MYH15: variants seen among roughly 807,000 people sequenced by gnomAD.
MYH15 encodes myosin-15.
Under a neutral mutation model 240.5 loss-of-function variants are expected in MYH15, and 227 were observed. The observed-to-expected ratio is 0.94, with a 90% CI of 0.85 to 1.05. The LOEUF (loss-of-function observed/expected upper bound fraction) is 1.05, where lower values mean the gene tolerates loss of function less well. MYH15 is among the 50% of genes least tolerant of loss of function. MYH15 has a pLI of 0.00. For synonymous variants in MYH15, 785 were observed against 796.7 expected, an observed-to-expected ratio of 0.99 and a Z score of 0.25; for missense variants, 2,217 against 2,247.5, an observed-to-expected ratio of 0.99 and a Z score of 0.27.
intron 1 of MYH15, among the ~76,000 whole-genome samples, chr3:108,520,759 C>A (rs2083611832): frequency 1.3e-5 from 2 of 152,104 alleles, no homozygotes; most frequent in South Asian, 4.1e-4. Flanking sequence ...TGATTTGGAG[C>A]AATTAAGTTA....
intron 14 of MYH15, among the ~76,000 whole-genome samples, chr3:108,466,570 C>A (rs1302556118): frequency 6.6e-6 from 1 of 152,134 alleles, no homozygotes; most frequent in Non-Finnish European, 1.5e-5. Flanking sequence ...TAGCCAAACA[C>A]CTTCCTTATG....
intron 2 of MYH15, among the ~76,000 whole-genome samples, chr3:108,505,189 T>C (rs2083465859): frequency 6.6e-6 from 1 of 152,214 alleles, no homozygotes; most frequent in Admixed American, 6.5e-5. Flanking sequence ...TTCTAGTCAA[T>C]AATCCTTGCC....
At chr3:108,400,528 G>C (rs1016534357) in intron 33 of MYH15, among the ~76,000 whole-genome samples, 1 of 152,162 alleles carries the variant, frequency 6.6e-6, no homozygotes, top group Admixed American at 6.5e-5. Flanking sequence ...CTGTGAGGTC[G>C]ATTAAGAAGG....
intron 21 of MYH15, among the ~76,000 whole-genome samples, chr3:108,449,695 C>A (rs942529778): frequency 6.6e-6 from 1 of 151,684 alleles, no homozygotes; most frequent in Non-Finnish European, 1.5e-5. Context: ...AATGTGACCC[C>A]AAAATCAAAG....
intron 24 of MYH15, among the ~76,000 whole-genome samples, chr3:108,438,905 A>G (rs369170973): frequency 6.6e-6 from 1 of 152,152 alleles, no homozygotes; most frequent in South Asian, 2.1e-4. Context: ...TGATGTGCAT[A>G]TATAAGCACA....
At chr3:108,497,662 A>G (rs2083402017) in intron 6 of MYH15, among the ~76,000 whole-genome samples, 1 of 152,148 alleles carries the variant, frequency 6.6e-6, no homozygotes, top group African/African-American at 2.4e-5. Context: ...GAAAAATTTT[A>G]TTGGTGCATA....
the MYH15 span, chr3:108,543,466 A>C: frequency 6.6e-6 from 1 of 152,336 alleles, no homozygotes; most frequent in African/African-American, 2.4e-5. Flanking sequence ...TGAGTTCAGC[A>C]GAGCTGTCTT....
intron 12 of MYH15, among the ~76,000 whole-genome samples, chr3:108,473,606 A>G (rs2083195336): frequency 6.6e-6 from 1 of 152,220 alleles, no homozygotes; most frequent in African/African-American, 2.4e-5. Context: ...CCTACTTCAT[A>G]GGCTTGTTAT....
At chr3:108,548,381 A>T in the MYH15 span, among the ~76,000 whole-genome samples, 1 of 152,154 alleles carries the variant, frequency 6.6e-6, no homozygotes, top group African/African-American at 2.4e-5. Context: ...ATTACCAAAC[A>T]TAAAAAGACA....
rs1220872855 is a variant in MYH15, at chr3:108,430,847, C to T, written c.3297G>A (p.Thr1099=). Residue 1099 remains threonine (T), a synonymous_variant, in exon 26 of 41, where the codon ACG becomes ACA. Transcript: ENST00000693548. ...AATTGATTACCTGAAGCTCTTTAAC[C>T]GTCTTCTGAAGCTGAGCTACCAGGC... ...EKGLVAQLQK[T]VKELQTQIKD... 15 of 1,611,370 alleles carry T rather than the reference C, an allele frequency of 9.3e-6. No individual in the cohort carries two copies. The East Asian group carries it at 1.1e-4, about 12-fold the overall frequency.
At position 108,500,226 on chromosome 3, in the gene MYH15, G is replaced by C. The variant is rs1319548603; in HGVS notation, c.388C>G (p.Pro130Ala). Residue 130 changes from proline to alanine, a missense_variant, in exon 4 of 41, where the codon CCC becomes GCC. Physicochemically the swap from Pro to Ala is conservative, Grantham distance 27 (BLOSUM62 -1). Transcript: ENST00000693548. ...CVTINPYKWLPVYQKEVMAAY... is the reference protein window; with the variant it reads ...CVTINPYKWLAVYQKEVMAAY... The stretch of plus-strand genomic sequence containing the variant: ...GCCATGACTTCTTTCTGATACACGG[G>C]AAGCCATTTGTAAGGGTTTATGGTC... The C allele has an allele frequency of 5.0e-6, 8 of 1,614,050 alleles. No homozygotes were observed. Among genetic ancestry groups the C allele is most frequent in the Non-Finnish European group, 6.8e-6 (8 of 1,179,942 alleles).
Position 108,444,776 on chromosome 3 carries a change from T to A in MYH15, c.2519A>T (p.Glu840Val), listed in dbSNP as rs150652144. 3.1e-6 allele frequency: 5 copies of A among 1,613,992 alleles called. 1 individual carries two copies. Among genetic ancestry groups the A allele is most frequent in the South Asian group, 2.2e-5 (2 of 91,044 alleles). Reference protein sequence around the residue: ...PLVKSSEVGEEVAGLKEECAQ... With the variant: ...PLVKSSEVGEVVAGLKEECAQ... ...ACACTCTTCCTTCAGTCCAGCTACTTCTTCTCCTACTTCTGAAGATTTAAC... is the reference window on the plus strand; with the variant it reads ...ACACTCTTCCTTCAGTCCAGCTACTACTTCTCCTACTTCTGAAGATTTAAC... The change falls in exon 22 of 41, where the codon GAA (glutamate) becomes GTA (valine). Residue 840 changes from glutamate to valine, a missense_variant. Coordinates refer to ENST00000693548, the MANE Select transcript of MYH15 (RefSeq NM_014981.3).
chr3:108,503,779 T>A (rs931441181), intron 2 of MYH15, among the ~76,000 whole-genome samples: 3 of 152,172 alleles, frequency 2.0e-5, no homozygotes, highest in Admixed American at 6.5e-5. Flanking sequence ...TACTATATGA[T>A]CCAGCAATAC....
chr3:108,418,737 T>A (rs918568706), intron 28 of MYH15, among the ~76,000 whole-genome samples: 1 of 124,870 alleles, frequency 8.0e-6, no homozygotes, highest in Non-Finnish European at 1.7e-5. Context: ...GTTCAAGCGA[T>A]TCTCCTGTCT....
At chr3:108,395,630 TC>T (rs1236725713) in intron 35 of MYH15, among the ~76,000 whole-genome samples, 1 of 130,658 alleles carries the variant, frequency 7.7e-6, no homozygotes, top group Non-Finnish European at 1.6e-5. Context: ...GTTTTTTTTT[TC>T]TTTCTTTTTT....
rs1218084481 is a variant in MYH15, at chr3:108,416,890, T to C, written c.3870A>G (p.Ile1290Met). 1.2e-6 allele frequency: 2 copies of C among 1,614,114 alleles called. No homozygotes were observed. The highest frequency in any genetic ancestry group is 3.3e-5 in the Admixed American group (2 of 60,032). Residue 1290 changes from isoleucine (I) to methionine (M), a missense_variant, in exon 29 of 41, where the codon ATA becomes ATG. Coordinates refer to ENST00000693548, the MANE Select transcript of MYH15 (RefSeq NM_014981.3). ...LRRLEEKEAL[I>M]NQLSREKSNF... ...TGCTCTTTTCCCTGGAAAGTTGGTT[T>C]ATCAGAGCCTCCTTCTCTTCAAGCC... is the stretch of plus-strand genomic sequence containing the variant.
At position 108,495,885 on chromosome 3, in the gene MYH15, C is replaced by A. The variant is rs1022859846; in HGVS notation, c.619-13G>T. On this transcript the variant is annotated splice_polypyrimidine_tract_variant and intron_variant, in intron 6 of 40. Coordinates refer to ENST00000693548, the MANE Select transcript of MYH15 (RefSeq NM_014981.3). ...CTTCTAACGCCCCCTGAGACACATG[C>A]AAGAGAAGTACAGCTGATGAAACTA... The A allele has an allele frequency of 4.4e-6, 7 of 1,588,124 alleles. No individual in the cohort carries two copies. In the Admixed American group the frequency reaches 8.6e-5, roughly 20 times the overall value.
At chr3:108,441,906 T>A (rs1310987793) in intron 22 of MYH15, among the ~76,000 whole-genome samples, 2 of 152,342 alleles carry the variant, frequency 1.3e-5, no homozygotes, top group East Asian at 3.9e-4. Flanking sequence ...CTTTCATTTA[T>A]CCTTTCACAG....
intron 35 of MYH15, among the ~76,000 whole-genome samples, chr3:108,394,574 A>G (rs1419901810): frequency 6.6e-6 from 1 of 152,224 alleles, no homozygotes; most frequent in Non-Finnish European, 1.5e-5. Context: ...TGTAACTCCA[A>G]GTATGCTGCT....
Sources: gnomAD v4.1 joint callset for allele counts (sites outside exome capture counted in the v4.1 genomes callset) on GRCh38, gnomAD v4.1.1 for gene constraint, MANE v1.5 for transcripts, NCBI Gene and HGNC (gene_info 2026-07-23, HGNC 2026-07-21) for gene names.